Variants in CCAR1 observed in about 807,000 individuals in gnomAD.
The protein encoded by CCAR1 is cell division cycle and apoptosis regulator protein 1.
Under a neutral mutation model 163.8 loss-of-function variants are expected in CCAR1, and 78 were observed. The ratio of observed to expected loss-of-function variants is 0.48; its 90% CI spans 0.40 to 0.57. CCAR1 has a LOEUF of 0.57. Ranked by LOEUF, CCAR1 falls within the 20% of genes least tolerant of loss-of-function variation. The pLI is 0.00. For missense variants in CCAR1, 1,019 were observed against 1,365.2 expected, an observed-to-expected ratio of 0.75 and a Z score of 4.00; for synonymous variants, 443 against 460.7, an observed-to-expected ratio of 0.96 and a Z score of 0.49.
Position 68,754,069 on chromosome 10 carries a change from A to G in CCAR1, c.1336A>G (p.Ser446Gly), listed in dbSNP as rs1271945531. 1.9e-6 allele frequency: 3 copies of G among 1,607,026 alleles called. No homozygotes were observed. Among genetic ancestry groups the G allele is most frequent in the African/African-American group, 1.3e-5 (1 of 74,708 alleles). The change falls in exon 11 of 25, where the codon AGT becomes GGT. Residue 446 changes from serine (S) to glycine (G), a missense_variant. Ser to Gly is a moderately conservative substitution (Grantham distance 56). Around this residue, in one of 4 missense-constraint regions of CCAR1, gnomAD observed 644 missense variants for 904.4 expected, o/e 0.71. Coordinates refer to ENST00000265872, the MANE Select transcript of CCAR1 (RefSeq NM_018237.4). ...TCCACCAGATGCTGACCACTTATAC[A>G]GTGCAAAGGTTTGTATTCAGCTGTG... ...LDPPDADHLY[S>G]AKVMLMASPS...
At chr10:68,746,810 TCAAGTGATTCG>T (rs1386552810) in intron 6 of CCAR1, among the ~76,000 whole-genome samples, 1 of 152,102 alleles carries the variant, frequency 6.6e-6, no homozygotes, top group African/African-American at 2.4e-5. Flanking sequence ...ACTCCTGACC[TCAAGTGATTCG>T]CCTGTCTCGG....
At position 68,763,304 on chromosome 10, in the gene CCAR1, C is replaced by G. The variant is rs532592604; in HGVS notation, c.2106+2112C>G. 2.6e-3 allele frequency among the ~76,000 whole-genome samples: 388 copies of G among 152,040 alleles called. 3 individuals are homozygous for G. Among genetic ancestry groups the G allele is most frequent in the African/African-American group, 8.7e-3 (360 of 41,460 alleles). On this transcript the variant is annotated intron_variant, in intron 16 of 24. Transcript: ENST00000265872. ...GAGCTGGGACTACAGGCATGCACCA[C>G]CATGCCCAGCTAATTTTTGTATTTT...
At chr10:68,733,335 C>G (rs376163741) in intron 2 of CCAR1, among the ~76,000 whole-genome samples, 7 of 151,962 alleles carry the variant, frequency 4.6e-5, no homozygotes, top group Non-Finnish European at 1.0e-4. Flanking sequence ...CACCTGAGTT[C>G]GGGAGGTTGA....
Position 68,736,796 on chromosome 10 carries a change from C to G in CCAR1, c.74-80C>G, listed in dbSNP as rs1048632845. On this transcript the variant is annotated intron_variant, in intron 2 of 24. Transcript: ENST00000265872. Reference sequence around the variant, plus strand: ...GGAGTGAACATGGGGGTGCGGGTATCTCTTCTATGTACTGTTTTCATATTT... The same window carrying G: ...GGAGTGAACATGGGGGTGCGGGTATGTCTTCTATGTACTGTTTTCATATTT... The G allele has an allele frequency of 3.3e-5, 42 of 1,257,066 alleles. No homozygotes were observed. In the East Asian group the frequency reaches 1.0e-3, roughly 31 times the overall value. 77.9% of individuals were successfully genotyped at this position (1,257,066 alleles called of 1,614,324 possible). A position where few individuals can be genotyped will look rare whatever the true frequency, so the allele number is the denominator to read the frequency against.
At position 68,771,319 on chromosome 10, in the gene CCAR1, A is replaced by G; in HGVS notation, c.2412A>G (p.Lys804=). Residue 804 remains lysine (K), a synonymous_variant, in exon 18 of 25, where the codon AAA becomes AAG. Transcript: ENST00000265872. ...AAGAGGACAAAAAAGAAAAGGATAAAAAAAGCAAAAAAGATGAGAGAAAAG... is the reference window on the plus strand; with the variant it reads ...AAGAGGACAAAAAAGAAAAGGATAAGAAAAGCAAAAAAGATGAGAGAAAAG... The part of the protein sequence containing the change: ...PEKEDKKEKD[K]KSKKDERKDK... 1 of 1,609,916 alleles carries G rather than the reference A, an allele frequency of 6.2e-7. No homozygotes were observed. The highest frequency in any genetic ancestry group is 8.5e-7 in the Non-Finnish European group (1 of 1,177,640).
rs755219243 is a variant in CCAR1, at chr10:68,749,253, A to G, written c.944A>G (p.Lys315Arg). 3.1e-6 allele frequency: 5 copies of G among 1,608,092 alleles called. No homozygotes were observed. In the South Asian group the frequency reaches 5.6e-5, roughly 18 times the overall value. The change falls in exon 9 of 25, where the codon AAA becomes AGA. Residue 315 changes from lysine (K) to arginine (R), a missense_variant. Lys to Arg is a conservative substitution (Grantham distance 26). Transcript: ENST00000265872. ...NDRGDQVPNR[K>R]DDRSRERERE... ...AGAGGGGATCAAGTGCCTAACAGAAAAGATGATCGAAGGTATATTTTCTAA... is the reference window on the plus strand; with the variant it reads ...AGAGGGGATCAAGTGCCTAACAGAAGAGATGATCGAAGGTATATTTTCTAA...
intron 10 of CCAR1, among the ~76,000 whole-genome samples, chr10:68,752,793 C>T (rs764126243): frequency 6.6e-6 from 1 of 151,984 alleles, no homozygotes; most frequent in Non-Finnish European, 1.5e-5. Context: ...TTGCTTGAGC[C>T]TAGGAATTCA....
At chr10:68,752,891 G>GATAGATAGA (rs1415968536) in intron 10 of CCAR1, among the ~76,000 whole-genome samples, 3 of 90,114 alleles carry the variant, frequency 3.3e-5, no homozygotes, top group South Asian at 7.4e-4. Flanking sequence ...AGAATAGATA[G>GATAGATAGA]ATAGATAGAT....
chr10:68,759,590 G>A (rs1247860912), intron 15 of CCAR1, among the ~76,000 whole-genome samples: 4 of 151,874 alleles, frequency 2.6e-5, no homozygotes, highest in African/African-American at 9.7e-5. Flanking sequence ...TGAGCATGGT[G>A]ATGCATGCCT....
chr10:68,769,043 T>G (rs2056568396), intron 17 of CCAR1, among the ~76,000 whole-genome samples: 1 of 152,154 alleles, frequency 6.6e-6, no homozygotes, highest in South Asian at 2.1e-4. Context: ...GGCATGATCT[T>G]GGCTCACTGC....
At chr10:68,766,184 TG>T (rs1312340203) in intron 17 of CCAR1, 105 bp downstream of exon 17, 12 of 765,524 alleles carry the variant, frequency 1.6e-5, no homozygotes, top group Middle Eastern at 3.5e-4. Context: ...TCGCTTTTCG[TG>T]GTTTTTTTTG....
At chr10:68,779,127 G>A (rs1339834498) in intron 19 of CCAR1, among the ~76,000 whole-genome samples, 1 of 152,114 alleles carries the variant, frequency 6.6e-6, no homozygotes, top group Non-Finnish European at 1.5e-5. Flanking sequence ...ACAGGCGTGA[G>A]CCACTGTGCC....
At chr10:68,742,119 A>G (rs2056191351) in intron 5 of CCAR1, among the ~76,000 whole-genome samples, 1 of 152,338 alleles carries the variant, frequency 6.6e-6, no homozygotes, top group South Asian at 2.1e-4. Flanking sequence ...TTCCTTTACT[A>G]TACTTAGGAC....
At chr10:68,724,071 T>TC (rs777092490) in intron 2 of CCAR1, among the ~76,000 whole-genome samples, 1 of 150,704 alleles carries the variant, frequency 6.6e-6, no homozygotes, top group Non-Finnish European at 1.5e-5. Context: ...AGCTGGAGAA[T>TC]CGCTTGAACG....
chr10:68,762,133 T>C lies in CCAR1; in HGVS notation c.2106+941T>C, dbSNP rs545152697. ...TCACGAGGTCAGGAGATCGAGACCG[T>C]CCTGGCTAACATGGTAAAACCCCGT... On this transcript the variant is annotated intron_variant, in intron 16 of 24. Coordinates refer to ENST00000265872, the MANE Select transcript of CCAR1 (RefSeq NM_018237.4). Among the ~76,000 whole-genome samples the C allele has an allele frequency of 1.6e-4, 25 of 151,724 alleles. No homozygotes were observed. The East Asian group carries it at 4.6e-3, about 28-fold the overall frequency.
chr10:68,767,840 T>G (rs1203140134), intron 17 of CCAR1, among the ~76,000 whole-genome samples: 1 of 152,256 alleles, frequency 6.6e-6, no homozygotes, highest in African/African-American at 2.4e-5. Context: ...TTAGAGCAGC[T>G]TTACATCATG....
chr10:68,760,354 G>A (rs976382613), intron 15 of CCAR1, among the ~76,000 whole-genome samples: 3 of 152,014 alleles, frequency 2.0e-5, no homozygotes, highest in Non-Finnish European at 4.4e-5. Context: ...TTGGAGGGAG[G>A]AAATAAGTAA....
At chr10:68,771,114 G>A (rs568656420) in intron 17 of CCAR1, 92 bp from the exon 18 acceptor site, 4 of 1,087,922 alleles carry the variant, frequency 3.7e-6, no homozygotes, top group Non-Finnish European at 5.3e-6. Flanking sequence ...CATAATCGTT[G>A]TATGTGGCAA....
At chr10:68,777,908 G>A (rs1025074573) in intron 19 of CCAR1, among the ~76,000 whole-genome samples, 2 of 152,026 alleles carry the variant, frequency 1.3e-5, no homozygotes, top group African/African-American at 4.8e-5. Flanking sequence ...CTCCAGCCTC[G>A]ACAATAAAGC....
Sources: allele counts gnomAD v4.1 joint callset (sites outside exome capture counted in the v4.1 genomes callset), GRCh38; gene constraint gnomAD v4.1.1; regional missense constraint gnomAD v4.1.1; transcripts MANE v1.5; gene names NCBI Gene and HGNC (gene_info 2026-07-23, HGNC 2026-07-21).